RHOH: variants seen among roughly 807,000 people sequenced by gnomAD.
RHOH encodes the protein rho-related GTP-binding protein RhoH.
In RHOH, 6 loss-of-function variants were observed where a neutral mutation model predicts 13.8. The observed-to-expected ratio is 0.44, with a 90% confidence interval of 0.24 to 0.86. The LOEUF (loss-of-function observed/expected upper bound fraction) is 0.86, where lower values mean the gene tolerates loss of function less well. RHOH is among the 40% of genes least tolerant of loss of function. RHOH has a pLI of 0.24. For synonymous variants in RHOH, 117 were observed against 103.0 expected, an observed-to-expected ratio of 1.14 and a Z score of -0.82; for missense variants, 147 against 244.5, an observed-to-expected ratio of 0.60 and a Z score of 2.66.
upstream of RHOH, among the ~76,000 whole-genome samples, chr4:40,193,323 A>T: frequency 6.6e-6 from 1 of 152,300 alleles, no homozygotes; most frequent in East Asian, 1.9e-4. Flanking sequence ...GATTTCTCCC[A>T]ACCCCATCCC....
intron 1 of RHOH, among the ~76,000 whole-genome samples, chr4:40,227,779 C>T (rs924342050): frequency 2.6e-5 from 4 of 151,992 alleles, no homozygotes; most frequent in Non-Finnish European, 4.4e-5. Context: ...AAACTGATGA[C>T]TTACAAAAGA....
chr4:40,240,279 A>T (rs951618131), intron 1 of RHOH: 2 of 151,628 alleles, frequency 1.3e-5, no homozygotes, highest in Non-Finnish European at 2.9e-5. Context: ...GGAGTTCGGG[A>T]CCAGCCTCAG....
At chr4:40,191,267 C>A (rs1722699557), upstream of RHOH, 1 of 152,184 alleles carries the variant, frequency 6.6e-6, no homozygotes, top group Non-Finnish European at 1.5e-5. Context: ...TCAATGATTG[C>A]AAAATCTTTT....
chr4:40,191,598 C>T (rs1327704971), upstream of RHOH, among the ~76,000 whole-genome samples: 1 of 152,164 alleles, frequency 6.6e-6, no homozygotes, highest in Non-Finnish European at 1.5e-5. Context: ...ACTTTAGAGC[C>T]ACAGCTTGAA....
intron 1 of RHOH, among the ~76,000 whole-genome samples, chr4:40,229,898 G>A (rs1727697160): frequency 6.6e-6 from 1 of 151,970 alleles, no homozygotes; most frequent in South Asian, 2.1e-4. Context: ...TATCAGATAA[G>A]GGCCTTAAAA....
intron 1 of RHOH, among the ~76,000 whole-genome samples, chr4:40,201,424 T>C (rs1723971176): frequency 6.6e-6 from 1 of 152,170 alleles, no homozygotes. Flanking sequence ...ACAGTGGTGT[T>C]CTAGAACCGG....
In RHOH at chr4:40,234,553, G is replaced by C. The variant is rs75105245; in HGVS notation, c.-330-8161G>C. 6.6e-4 allele frequency among the ~76,000 whole-genome samples: 101 copies of C among 152,148 alleles called. 1 individual carries two copies. In the East Asian group the frequency reaches 0.013, roughly 19 times the overall value. ...ACGGTCCCGGTGTGATTGGGGACCA[G>C]AGGGCAGGACACACGGCTCAGAGAG... On this transcript the variant is annotated intron_variant, in intron 1 of 2. Transcript: ENST00000381799.
At chr4:40,217,222 G>A (rs1049076207) in intron 1 of RHOH, among the ~76,000 whole-genome samples, 1 of 152,162 alleles carries the variant, frequency 6.6e-6, no homozygotes, top group African/African-American at 2.4e-5. Flanking sequence ...TCATCAGTTA[G>A]GGGTTAATCC....
intron 1 of RHOH, among the ~76,000 whole-genome samples, chr4:40,237,108 T>C (rs1431189394): frequency 6.6e-6 from 1 of 152,198 alleles, no homozygotes; most frequent in Non-Finnish European, 1.5e-5. Flanking sequence ...GTTACACCTT[T>C]TTTTTCTAAA....
At chr4:40,229,009 G>A (rs1727572334) in intron 1 of RHOH, among the ~76,000 whole-genome samples, 1 of 152,152 alleles carries the variant, frequency 6.6e-6, no homozygotes, top group East Asian at 1.9e-4. Context: ...CATCTCAGGG[G>A]CCTCCTTTGG....
chr4:40,208,494 A>G (rs995613325), intron 1 of RHOH, among the ~76,000 whole-genome samples: 2 of 152,230 alleles, frequency 1.3e-5, no homozygotes, highest in Admixed American at 1.3e-4. Flanking sequence ...GCCAAAGTAC[A>G]ATTTATAAAC....
chr4:40,228,022 T>G (rs1471167679), intron 1 of RHOH, among the ~76,000 whole-genome samples: 1 of 152,174 alleles, frequency 6.6e-6, no homozygotes, highest in Non-Finnish European at 1.5e-5. Context: ...TATATTTATA[T>G]TAAAAATATT....
At chr4:40,237,447 T>A (rs1309401726) in intron 1 of RHOH, among the ~76,000 whole-genome samples, 1 of 145,584 alleles carries the variant, frequency 6.9e-6, no homozygotes, top group Non-Finnish European at 1.5e-5. Context: ...AGAGTGAGAC[T>A]CCGTCTCAAA....
chr4:40,197,709 A>G (rs1723378329), intron 1 of RHOH, among the ~76,000 whole-genome samples: 1 of 152,238 alleles, frequency 6.6e-6, no homozygotes, highest in Admixed American at 6.5e-5. Flanking sequence ...ACAGAACCGA[A>G]GTCTAAATGA....
At chr4:40,205,029 G>A (rs911298529) in intron 1 of RHOH, among the ~76,000 whole-genome samples, 6 of 152,184 alleles carry the variant, frequency 3.9e-5, no homozygotes, top group Admixed American at 2.6e-4. Flanking sequence ...TTGGGAGGCC[G>A]AGGCAGGCAG....
upstream of RHOH, among the ~76,000 whole-genome samples, chr4:40,191,704 T>C (rs946794506): frequency 1.3e-5 from 2 of 152,108 alleles, no homozygotes; most frequent in African/African-American, 4.8e-5. Context: ...GAATGTTTGC[T>C]AGATCAATAC....
intron 1 of RHOH, among the ~76,000 whole-genome samples, chr4:40,208,913 T>C (rs532708092): frequency 6.6e-6 from 1 of 152,200 alleles, no homozygotes; most frequent in African/African-American, 2.4e-5. Flanking sequence ...ATATGTATTC[T>C]TATACATGAA....
chr4:40,234,461 T>G (rs1728311173), intron 1 of RHOH, among the ~76,000 whole-genome samples: 1 of 152,144 alleles, frequency 6.6e-6, no homozygotes, highest in Non-Finnish European at 1.5e-5. Flanking sequence ...ATTCCTTGAT[T>G]GTGCTCCTGG....
upstream of RHOH, among the ~76,000 whole-genome samples, chr4:40,195,694 G>A (rs987970551): frequency 3.9e-5 from 6 of 152,034 alleles, no homozygotes; most frequent in South Asian, 1.0e-3. Context: ...AATGCTCCCC[G>A]CTCAGCCTCC....
Sources: allele counts gnomAD v4.1 joint callset (sites outside exome capture counted in the v4.1 genomes callset), GRCh38; gene constraint gnomAD v4.1.1; transcripts MANE v1.5; gene names NCBI Gene and HGNC (gene_info 2026-07-23, HGNC 2026-07-21).